The following CBLB variants were observed in gnomAD, a reference collection of about 807,000 sequenced individuals.
The protein encoded by CBLB is Cbl proto-oncogene B.
CBLB carries 31 observed loss-of-function variants against 104.9 expected under a neutral mutation model. The observed-to-expected ratio is 0.30, with a 90% confidence interval of 0.22 to 0.40. The LOEUF is 0.40. Ranked by LOEUF, CBLB falls within the 10% of genes least tolerant of loss-of-function variation. The pLI is 1.00. For missense variants in CBLB, 1,062 were observed against 1,214.6 expected (o/e 0.87, Z 1.87); for synonymous variants, 440 against 422.6 (o/e 1.04, Z -0.51).
chr3:105,722,215 A>G (rs1374000898), intron 9 of CBLB, among the ~76,000 whole-genome samples: 2 of 149,898 alleles, frequency 1.3e-5, no homozygotes, highest in East Asian at 1.9e-4. Context: ...AAAAAAAAAA[A>G]AAAGAAAAGA....
intron 16 of CBLB, among the ~76,000 whole-genome samples, chr3:105,679,870 G>A (rs2066101916): frequency 6.6e-6 from 1 of 151,996 alleles, no homozygotes; most frequent in Admixed American, 6.6e-5. Context: ...CACATCTGAA[G>A]ATGCACAAGA....
intron 9 of CBLB, among the ~76,000 whole-genome samples, chr3:105,723,567 A>G (rs1273259219): frequency 6.6e-6 from 1 of 152,112 alleles, no homozygotes; most frequent in African/African-American, 2.4e-5. Context: ...TACTTAAAAT[A>G]TAACTTTAGG....
In CBLB at chr3:105,797,463, A is replaced by T. The variant is rs538419113; in HGVS notation, c.420-20921T>A. Among the ~76,000 whole-genome samples the T allele has an allele frequency of 1.6e-4, 24 of 152,306 alleles. No individual in the cohort carries two copies. In the East Asian group the frequency reaches 4.6e-3, roughly 29 times the overall value. On this transcript the variant is annotated intron_variant, in intron 3 of 18. Transcript: ENST00000394030. Reference sequence around the variant, plus strand: ...ACTTGAGGGTGAAGGGCAGGAGGAGAGAGAGGATCAAAAAACTACCCATGG... The same window carrying T: ...ACTTGAGGGTGAAGGGCAGGAGGAGTGAGAGGATCAAAAAACTACCCATGG...
intron 3 of CBLB, among the ~76,000 whole-genome samples, chr3:105,821,291 T>TCTAC (rs1371216075): frequency 2.0e-5 from 3 of 151,724 alleles, no homozygotes; most frequent in Non-Finnish European, 4.4e-5. Context: ...TATCTATCTA[T>TCTAC]CACCTACTAT....
At chr3:105,786,062 G>GGGGA (rs1553794642) in intron 3 of CBLB, among the ~76,000 whole-genome samples, 5 of 10,164 alleles carry the variant, frequency 4.9e-4, no homozygotes, top group Admixed American at 1.1e-3. Context: ...TGAGAGGATC[G>GGGGA]GGGGGGGGAA....
intron 3 of CBLB, among the ~76,000 whole-genome samples, chr3:105,850,546 T>C (rs992958982): frequency 6.6e-6 from 1 of 152,168 alleles, no homozygotes; most frequent in Non-Finnish European, 1.5e-5. Context: ...ACTATCACTA[T>C]CATGAATATT....
chr3:105,819,440 T>C (rs2085510354), intron 3 of CBLB, among the ~76,000 whole-genome samples: 2 of 151,708 alleles, frequency 1.3e-5, no homozygotes, highest in Non-Finnish European at 2.9e-5. Context: ...TGAGCTGAGA[T>C]TGTGCCACTG....
At chr3:105,793,880 T>C (rs2081970413) in intron 3 of CBLB, among the ~76,000 whole-genome samples, 1 of 152,078 alleles carries the variant, frequency 6.6e-6, no homozygotes, top group Non-Finnish European at 1.5e-5. Flanking sequence ...AAGAAGCTTC[T>C]TACAAAAATA....
chr3:105,782,941 G>T (rs1185610437), intron 3 of CBLB, among the ~76,000 whole-genome samples: 1 of 152,072 alleles, frequency 6.6e-6, no homozygotes, highest in African/African-American at 2.4e-5. Context: ...CTCAAAATAA[G>T]GATGCTCTTC....
chr3:105,704,028 A>G lies in CBLB; in HGVS notation c.1553T>C (p.Ile518Thr). ...PPRLDLIQKG[I>T]VRSPCGSPTG... Reference sequence around the variant, plus strand: ...TGGGCTGCCACAGGGAGATCTAACTATGCCTTTCTGAATTAGATCCAGGCG... The same window carrying G: ...TGGGCTGCCACAGGGAGATCTAACTGTGCCTTTCTGAATTAGATCCAGGCG... Residue 518 changes from isoleucine to threonine, a missense_variant, in exon 11 of 19, where the codon ATA becomes ACA. Around this residue, in one of 2 missense-constraint regions of CBLB, gnomAD observed 605 missense variants for 582.6 expected, o/e 1.04. Coordinates refer to ENST00000394030, the MANE Select transcript of CBLB (RefSeq NM_170662.5). The G allele has an allele frequency of 1.2e-6, 2 of 1,614,158 alleles. No homozygotes were observed. Among genetic ancestry groups the G allele is most frequent in the East Asian group, 2.2e-5 (1 of 44,882 alleles).
At chr3:105,690,821 CA>C (rs1178398593) in intron 13 of CBLB, among the ~76,000 whole-genome samples, 2,855 of 65,772 alleles carry the variant, frequency 0.043, 74 homozygotes, top group African/African-American at 0.13. Flanking sequence ...GACTCCATCT[CA>C]AAAAAAAAAA....
At chr3:105,848,202 A>G (rs2090522169) in intron 3 of CBLB, among the ~76,000 whole-genome samples, 1 of 152,112 alleles carries the variant, frequency 6.6e-6, no homozygotes, top group Non-Finnish European at 1.5e-5. Flanking sequence ...ACCAGCAACA[A>G]CAACAATTTG....
chr3:105,693,626 A>G (rs747764775), intron 12 of CBLB, 38 bp from the exon 13 acceptor site: 1 of 1,418,264 alleles, frequency 7.1e-7, no homozygotes, highest in African/African-American at 1.4e-5. Flanking sequence ...CAAGAATTTA[A>G]CTTCTGAAGG....
At chr3:105,704,386 CA>C (rs1379514815) in intron 10 of CBLB, among the ~76,000 whole-genome samples, 1 of 152,094 alleles carries the variant, frequency 6.6e-6, no homozygotes, top group Non-Finnish European at 1.5e-5. Context: ...GTTTTTCCTA[CA>C]TATTGCAGAA....
chr3:105,727,145 T>G (rs1418469116), intron 9 of CBLB, among the ~76,000 whole-genome samples: 1 of 152,226 alleles, frequency 6.6e-6, no homozygotes, highest in Non-Finnish European at 1.5e-5. Flanking sequence ...TCCACAATGG[T>G]TGAACTAATT....
At chr3:105,861,684 T>TACAC (rs147156324) in intron 2 of CBLB, among the ~76,000 whole-genome samples, 11,559 of 144,904 alleles carry the variant, frequency 0.08, 553 homozygotes, top group East Asian at 0.28. Flanking sequence ...TGTGCACACA[T>TACAC]ACACACACAC....
chr3:105,704,483 G>A (rs2069758931), intron 10 of CBLB, among the ~76,000 whole-genome samples: 1 of 152,154 alleles, frequency 6.6e-6, no homozygotes, highest in African/African-American at 2.4e-5. Context: ...TATATTTTAT[G>A]AGGAATCCAG....
chr3:105,860,137 A>G (rs1330458911), intron 2 of CBLB, among the ~76,000 whole-genome samples: 3 of 152,314 alleles, frequency 2.0e-5, no homozygotes, highest in East Asian at 3.9e-4. Flanking sequence ...TTGAAAGTGA[A>G]GAACAGTCTT....
chr3:105,717,406 C>A (rs933992225), intron 10 of CBLB, among the ~76,000 whole-genome samples: 2 of 152,100 alleles, frequency 1.3e-5, no homozygotes, highest in Middle Eastern at 3.2e-3. Flanking sequence ...TGTCCTAGAC[C>A]TGGGGCTGCA....
Sources: allele counts gnomAD v4.1 joint callset (sites outside exome capture counted in the v4.1 genomes callset), GRCh38; gene constraint gnomAD v4.1.1; regional missense constraint gnomAD v4.1.1; transcripts MANE v1.5; gene names NCBI Gene and HGNC (gene_info 2026-07-23, HGNC 2026-07-21).